Variants in C11orf97 observed in about 807,000 individuals in gnomAD.
C11orf97 encodes the protein chromosome 11 open reading frame 97.
In C11orf97, 15 loss-of-function variants were observed where a neutral mutation model predicts 16.2. That is an observed-to-expected ratio of 0.93 (90% CI 0.62 to 1.43). The LOEUF (loss-of-function observed/expected upper bound fraction) is 1.43, where lower values mean the gene tolerates loss of function less well. Among genes scored for constraint, C11orf97 ranks in the 40% most tolerant of loss-of-function variants. The pLI is 0.00. For synonymous variants in C11orf97, 61 were observed against 65.7 expected (o/e 0.93, Z 0.34); for missense variants, 171 against 161.2 (o/e 1.06, Z -0.33).
At chr11:94,513,466 G>A (rs2135175798) in intron 1 of C11orf97, among the ~76,000 whole-genome samples, 1 of 152,354 alleles carries the variant, frequency 6.6e-6, no homozygotes, top group African/African-American at 2.4e-5. Context: ...GAGGAACAGA[G>A]TAGTTTCCAG....
chr11:94,513,213 A>G (rs1947583661), intron 1 of C11orf97, among the ~76,000 whole-genome samples: 1 of 152,182 alleles, frequency 6.6e-6, no homozygotes, highest in African/African-American at 2.4e-5. Flanking sequence ...TCCTTTTAGA[A>G]TCTCATAATT....
chr11:94,518,918 T>TC (rs1947635304), intron 2 of C11orf97, among the ~76,000 whole-genome samples: 2 of 152,064 alleles, frequency 1.3e-5, no homozygotes, highest in African/African-American at 4.8e-5. Context: ...TTTACATTTT[T>TC]TTTTTTTTTG....
Position 94,512,582 on chromosome 11 carries a change from T to A in C11orf97, c.54T>A (p.Gly18=). 7.8e-7 allele frequency: 1 copy of A among 1,288,620 alleles called. No homozygotes were observed. The highest frequency in any genetic ancestry group is 9.8e-7 in the Non-Finnish European group (1 of 1,018,172). The allele number at this position is 1,288,620 out of a possible 1,614,324, so 79.8% of individuals were successfully genotyped here. The part of the protein sequence containing the change: ...VVTAVVAPKA[G]REEEQPPPPA... ...CCGCAGTGGTGGCGCCCAAGGCGGG[T>A]CGCGAAGAGGAGCAGCCTCCTCCGC... The change falls in exon 1 of 4, where the codon GGT becomes GGA. Residue 18 remains glycine (G), a synonymous_variant. Coordinates refer to ENST00000542198, the MANE Select transcript of C11orf97 (RefSeq NM_001190462.2).
intron 1 of C11orf97, 67 bp from the exon 2 acceptor site, chr11:94,517,516 A>T: frequency 3.5e-6 from 3 of 862,206 alleles, no homozygotes; most frequent in Non-Finnish European, 5.1e-6. Context: ...GTTATCATGT[A>T]GATATAATGG....
Position 94,528,066 on chromosome 11 carries a change from C to T in C11orf97, c.251-18C>T, listed in dbSNP as rs34742117. 0.012 allele frequency: 18,642 copies of T among 1,513,026 alleles called. 414 individuals carry two copies. The highest frequency in any genetic ancestry group is 0.078 in the African/African-American group (5,595 of 71,876). The allele number at this position is 1,513,026 out of a possible 1,614,324, so 93.7% of individuals were successfully genotyped here. A position where few individuals can be genotyped will look rare whatever the true frequency, so the allele number is the denominator to read the frequency against. The stretch of plus-strand genomic sequence containing the variant: ...AATACGCTAATAATTATTTTCTTGC[C>T]TTAAAAAATATTGACAGTGGCCCTG... On this transcript the variant is annotated intron_variant, in intron 2 of 3. Coordinates refer to ENST00000542198, the MANE Select transcript of C11orf97 (RefSeq NM_001190462.2).
Position 94,512,464 on chromosome 11 carries a change from C to T in C11orf97, c.-65C>T. On this transcript the variant is annotated 5_prime_UTR_variant, in exon 1 of 4. Coordinates refer to ENST00000542198, the MANE Select transcript of C11orf97 (RefSeq NM_001190462.2). ...ATGGCAACCCGAGACGCCTCGCATG[C>T]TGGGCTGCCTGCGACTGAGCTGAGA... 1 of 1,248,690 alleles carries T rather than the reference C, an allele frequency of 8.0e-7. No homozygotes were observed. Among genetic ancestry groups the T allele is most frequent in the Non-Finnish European group, 1.0e-6 (1 of 995,314 alleles). 77.4% of individuals were successfully genotyped at this position (1,248,690 alleles called of 1,614,324 possible).
At chr11:94,525,979 G>A (rs1349203253) in intron 2 of C11orf97, among the ~76,000 whole-genome samples, 3 of 152,182 alleles carry the variant, frequency 2.0e-5, no homozygotes, top group Non-Finnish European at 2.9e-5. Flanking sequence ...GAAGGGAAGA[G>A]AGAAGAGGAA....
chr11:94,517,904 C>G (rs1262314), intron 2 of C11orf97, among the ~76,000 whole-genome samples: 1,522 of 152,036 alleles, frequency 0.01, 23 homozygotes, highest in African/African-American at 0.034. Context: ...AATCCCAGCA[C>G]TTTGGGAGGC....
intron 3 of C11orf97, among the ~76,000 whole-genome samples, chr11:94,528,740 G>T (rs537574642): frequency 4.5e-4 from 68 of 152,276 alleles, no homozygotes; most frequent in African/African-American, 1.6e-3. Context: ...CACTGTCATA[G>T]CCAGTGTCTG....
intron 2 of C11orf97, among the ~76,000 whole-genome samples, chr11:94,523,684 T>G (rs1479119435): frequency 6.6e-6 from 1 of 152,194 alleles, no homozygotes; most frequent in African/African-American, 2.4e-5. Flanking sequence ...ATTCAGAAAT[T>G]GAGTTTTATG....
chr11:94,524,628 C>A (rs1375547578), intron 2 of C11orf97, among the ~76,000 whole-genome samples: 6 of 144,078 alleles, frequency 4.2e-5, no homozygotes, highest in East Asian at 2.1e-4. Context: ...CTCATCAGAT[C>A]TTTTAATCAG....
chr11:94,512,944 A>AACAC lies in C11orf97; in HGVS notation c.145+291_145+294dup, dbSNP rs10560506. 8.2e-4 allele frequency among the ~76,000 whole-genome samples: 123 copies of AACAC among 150,782 alleles called. 1 individual carries two copies. Among genetic ancestry groups the AACAC allele is most frequent in the African/African-American group, 2.3e-3 (95 of 41,104 alleles). ...TAGTGGCGTTATTCTGAAAGGAATT[A>AACAC]ACACACACACACACACACACACATT... On this transcript the variant is annotated intron_variant, in intron 1 of 3. Transcript: ENST00000542198.
rs1766760370 is a variant in C11orf97, at chr11:94,517,653, GA to G, written c.217del (p.Arg73GlufsTer29). ...EVLEEERHIK[R>X]DECHIKNPAA... ...TACTGGAAGAAGAACGTCATATTAA[GA>G]GAGATGAATGCCACATTAAAAATCC... On this transcript the variant is annotated frameshift_variant, in exon 2 of 4. Coordinates refer to ENST00000542198, the MANE Select transcript of C11orf97 (RefSeq NM_001190462.2). LOFTEE classifies it high-confidence loss of function. The G allele has an allele frequency of 1.3e-6, 2 of 1,531,478 alleles. No homozygotes were observed. Among genetic ancestry groups the G allele is most frequent in the East Asian group, 2.5e-5 (1 of 40,744 alleles). The allele number at this position is 1,531,478 out of a possible 1,614,324, so 94.9% of individuals were successfully genotyped here. A position where few individuals can be genotyped will look rare whatever the true frequency, so the allele number is the denominator to read the frequency against.
At position 94,528,195 on chromosome 11, in the gene C11orf97, A is replaced by G. The variant is rs1439007311; in HGVS notation, c.362A>G (p.His121Arg). ...CCACAAGCCAAGTACTACTCCAGGC[A>G]CGGAGGACTCAGAAGTAAGACCCTG... ...LLPQAKYYSRHGGLRR is the reference protein window; with the variant it reads ...LLPQAKYYSRRGGLRR Residue 121 changes from histidine to arginine, a missense_variant, in exon 3 of 4, where the codon CAC (histidine) becomes CGC (arginine). By Grantham distance (29) the His-to-Arg change is conservative (BLOSUM62 0). Transcript: ENST00000542198. 1.3e-6 allele frequency: 2 copies of G among 1,534,838 alleles called. No individual in the cohort carries two copies. The highest frequency in any genetic ancestry group is 1.2e-5 in the South Asian group (1 of 83,812).
rs530153664 is a variant in C11orf97 at position 94,525,449 on chromosome 11, C to T, written c.251-2635C>T. On this transcript the variant is annotated intron_variant, in intron 2 of 3. Coordinates refer to ENST00000542198, the MANE Select transcript of C11orf97 (RefSeq NM_001190462.2). ...AGTTTATTTACTACTTAAGTACAAG[C>T]TTAGAAAGTGCAAAATGTTGCCAAG... Among the ~76,000 whole-genome samples, 17 of 152,294 alleles carry T rather than the reference C, an allele frequency of 1.1e-4. No individual in the cohort carries two copies. The East Asian group carries it at 3.3e-3, about 29-fold the overall frequency.
chr11:94,522,432 G>T (rs1291323618), intron 2 of C11orf97, among the ~76,000 whole-genome samples: 1 of 152,182 alleles, frequency 6.6e-6, no homozygotes, highest in Non-Finnish European at 1.5e-5. Flanking sequence ...AGCTACTCGG[G>T]AGACTGAGGC....
chr11:94,512,566 TGGCGCCCAAGGC>T lies in C11orf97; in HGVS notation c.41_52del (p.Ala14_Ala17del). On this transcript the variant is annotated inframe_deletion, in exon 1 of 4. Transcript: ENST00000542198. ...GAGGCGGTGGTGGTGACCGCAGTGG[TGGCGCCCAAGGC>T]GGGTCGCGAAGAGGAGCAGCCTCCT... The T allele has an allele frequency of 7.6e-7, 1 of 1,308,322 alleles. No homozygotes were observed. Among genetic ancestry groups the T allele is most frequent in the East Asian group, 3.1e-5 (1 of 32,328 alleles). 81.0% of individuals were successfully genotyped at this position (1,308,322 alleles called of 1,614,324 possible).
chr11:94,516,624 T>C (rs1051460369), intron 1 of C11orf97, among the ~76,000 whole-genome samples: 2 of 99,344 alleles, frequency 2.0e-5, no homozygotes, highest in Non-Finnish European at 4.4e-5. Flanking sequence ...CAAATAATTG[T>C]GTATAAAAAA....
At chr11:94,513,639 G>C (rs1428385175) in intron 1 of C11orf97, among the ~76,000 whole-genome samples, 1 of 152,170 alleles carries the variant, frequency 6.6e-6, no homozygotes, top group Non-Finnish European at 1.5e-5. Flanking sequence ...TCATCAAGAA[G>C]TTACAGAACT....
Sources: allele counts gnomAD v4.1 joint callset (sites outside exome capture counted in the v4.1 genomes callset), GRCh38; gene constraint gnomAD v4.1.1; transcripts MANE v1.5; gene names NCBI Gene and HGNC (gene_info 2026-07-23, HGNC 2026-07-21).